Variants in CTNND2 observed in about 807,000 individuals in gnomAD.
CTNND2 encodes catenin delta 2.
A neutral mutation model predicts 144.4 loss-of-function variants in CTNND2; 22 were observed. That is an observed-to-expected ratio of 0.15 (90% CI 0.11 to 0.22). CTNND2 has a LOEUF of 0.22. Ranked by LOEUF, CTNND2 falls within the 10% of genes least tolerant of loss-of-function variation. CTNND2 has a pLI of 1.00. For synonymous variants in CTNND2, 751 were observed against 695.6 expected (o/e 1.08, Z -1.25); for missense variants, 1,353 against 1,618.8 (o/e 0.84, Z 2.82).
chr5:11,228,378 A>C (rs924325280), intron 10 of CTNND2, among the ~76,000 whole-genome samples: 19 of 149,624 alleles, frequency 1.3e-4, no homozygotes, highest in Non-Finnish European at 2.7e-4. Context: ...AAAAAAAAAA[A>C]ACAAAGAATG....
intron 16 of CTNND2, among the ~76,000 whole-genome samples, chr5:11,039,569 AT>A (rs1422437616): frequency 2.6e-5 from 4 of 152,194 alleles, no homozygotes; most frequent in Non-Finnish European, 5.9e-5. Flanking sequence ...TTTTTAAAAA[AT>A]GAATCTTCTT....
chr5:11,014,383 C>T (rs966714950), intron 18 of CTNND2, among the ~76,000 whole-genome samples: 1 of 152,202 alleles, frequency 6.6e-6, no homozygotes, highest in African/African-American at 2.4e-5. Context: ...CATCCAGTCT[C>T]TTCCCATGGC....
At chr5:11,111,341 G>A (rs915850992) in intron 13 of CTNND2, among the ~76,000 whole-genome samples, 5 of 152,294 alleles carry the variant, frequency 3.3e-5, no homozygotes, top group African/African-American at 1.2e-4. Flanking sequence ...ACAACCACGA[G>A]AGATCCCAAA....
intron 9 of CTNND2, among the ~76,000 whole-genome samples, chr5:11,321,954 G>A (rs182068935): frequency 1.2e-3 from 178 of 152,200 alleles, no homozygotes; most frequent in African/African-American, 3.9e-3. Context: ...TTACCTCCCA[G>A]GTCCAAGCCC....
chr5:11,084,120 G>A (rs149615264), intron 15 of CTNND2, among the ~76,000 whole-genome samples: 57 of 152,334 alleles, frequency 3.7e-4, no homozygotes, highest in Non-Finnish European at 4.4e-4. Context: ...AGCAGGTAAA[G>A]CTCACTAAAG....
At chr5:11,571,595 G>A (rs907055626) in intron 2 of CTNND2, among the ~76,000 whole-genome samples, 61 of 152,210 alleles carry the variant, frequency 4.0e-4, no homozygotes, top group African/African-American at 1.5e-3. Flanking sequence ...GGGATTTGGA[G>A]ATCTAGCTGA....
intron 1 of CTNND2, among the ~76,000 whole-genome samples, chr5:11,862,310 C>T (rs1795539108): frequency 6.6e-6 from 1 of 152,008 alleles, no homozygotes; most frequent in Admixed American, 6.6e-5. Context: ...AAAATGAAGG[C>T]ACTTGTTATA....
intron 2 of CTNND2, among the ~76,000 whole-genome samples, chr5:11,607,657 A>G (rs1490362844): frequency 2.0e-5 from 3 of 152,214 alleles, no homozygotes; most frequent in Admixed American, 1.3e-4. Flanking sequence ...CAATAGTCTT[A>G]GTTATGAATC....
chr5:11,752,918 G>A (rs980147114), intron 1 of CTNND2, among the ~76,000 whole-genome samples: 1 of 151,646 alleles, frequency 6.6e-6, no homozygotes, highest in African/African-American at 2.4e-5. Flanking sequence ...GCATTCCTAG[G>A]TATTTTGCAC....
chr5:11,812,958 A>AC (rs60796556), intron 1 of CTNND2, among the ~76,000 whole-genome samples: 49 of 151,280 alleles, frequency 3.2e-4, no homozygotes, highest in African/African-American at 1.1e-3. Context: ...CCAAACTATC[A>AC]CCCCCCACAC....
At chr5:11,670,430 C>T (rs978545606) in intron 2 of CTNND2, among the ~76,000 whole-genome samples, 1 of 152,136 alleles carries the variant, frequency 6.6e-6, no homozygotes, top group African/African-American at 2.4e-5. Context: ...AATCTGGGTG[C>T]TCCTGCATTG....
chr5:11,885,108 T>G (rs1163188435), intron 1 of CTNND2, among the ~76,000 whole-genome samples: 1 of 152,188 alleles, frequency 6.6e-6, no homozygotes, highest in Non-Finnish European at 1.5e-5. Flanking sequence ...TCAGAGATAA[T>G]GGCCTGTAGT....
intron 3 of CTNND2, among the ~76,000 whole-genome samples, chr5:11,486,115 G>A (rs113586859): frequency 6.6e-6 from 1 of 152,172 alleles, no homozygotes; most frequent in African/African-American, 2.4e-5. Context: ...AACTGCTCAG[G>A]GATGGAAGGA....
chr5:11,147,160 A>G (rs62339097), intron 12 of CTNND2, among the ~76,000 whole-genome samples: 14,423 of 152,280 alleles, frequency 0.095, 1,216 homozygotes, highest in East Asian at 0.35. Flanking sequence ...CATGATCGTC[A>G]TGTACGTGAG....
chr5:11,380,810 A>C (rs1297483565), intron 7 of CTNND2, among the ~76,000 whole-genome samples: 3 of 152,198 alleles, frequency 2.0e-5, no homozygotes, highest in Non-Finnish European at 2.9e-5. Flanking sequence ...ATGACCCGAA[A>C]CCCTCAGATA....
chr5:11,835,542 A>G (rs1187980175), intron 1 of CTNND2, among the ~76,000 whole-genome samples: 2 of 152,090 alleles, frequency 1.3e-5, no homozygotes, highest in African/African-American at 2.4e-5. Flanking sequence ...TAGTGTTGGT[A>G]GTTTGTGTTT....
intron 1 of CTNND2, among the ~76,000 whole-genome samples, chr5:11,814,301 T>G (rs1313259203): frequency 6.6e-6 from 1 of 152,206 alleles, no homozygotes; most frequent in African/African-American, 2.4e-5. Flanking sequence ...TATATAAAAC[T>G]GAAGGCGTCT....
intron 21 of CTNND2, among the ~76,000 whole-genome samples, chr5:10,981,438 T>C (rs1234767913): frequency 6.6e-6 from 1 of 152,226 alleles, no homozygotes; most frequent in Non-Finnish European, 1.5e-5. Context: ...GTCCAGTAAT[T>C]AGACAATTCC....
intron 4 of CTNND2, 66 bp downstream of exon 4, chr5:11,411,969 A>T: frequency 7.8e-7 from 1 of 1,278,190 alleles, no homozygotes; most frequent in Non-Finnish European, 1.1e-6. Context: ...TCTAAAGTTC[A>T]TAAGAAAAGT....
Sources: allele counts gnomAD v4.1 joint callset (sites outside exome capture counted in the v4.1 genomes callset), GRCh38; gene constraint gnomAD v4.1.1; transcripts MANE v1.5; gene names NCBI Gene and HGNC (gene_info 2026-07-23, HGNC 2026-07-21).